CA14: variants seen among roughly 807,000 people sequenced by gnomAD.
CA14 encodes carbonic anhydrase 14.
A neutral mutation model predicts 48.8 loss-of-function variants in CA14; 44 were observed. The ratio of observed to expected loss-of-function variants is 0.90; its 90% confidence interval spans 0.71 to 1.16. The LOEUF is 1.16. Ranked by LOEUF, CA14 falls within the 50% of genes most tolerant of loss-of-function variation. The pLI is 0.00. For synonymous variants in CA14, 154 were observed against 155.0 expected (o/e 0.99, Z 0.05); for missense variants, 386 against 401.0 (o/e 0.96, Z 0.32).
chr1:150,262,129 C>T, intron 3 of CA14, 29 bp from the exon 4 acceptor site: 1 of 1,613,884 alleles, frequency 6.2e-7, no homozygotes. Flanking sequence ...CATGCCTCCA[C>T]CAATCCGAGT....
At chr1:150,260,208 C>T (rs1316217366) in intron 2 of CA14, 37 bp downstream of exon 2, 1 of 1,607,938 alleles carries the variant, frequency 6.2e-7, no homozygotes, top group Non-Finnish European at 8.5e-7. Context: ...AACCCTTTCA[C>T]ACTGGGACCT....
rs1239170385 is a variant in CA14, at chr1:150,257,856, G to A, written c.-273G>A. 3 of 254,108 alleles carry A rather than the reference G, an allele frequency of 1.2e-5. No individual in the cohort carries two copies. Among genetic ancestry groups the A allele is most frequent in the Non-Finnish European group, 2.3e-5 (3 of 131,788 alleles). 15.7% of individuals were successfully genotyped at this position (254,108 alleles called of 1,614,324 possible). ...GTAAAGTCGCTGGCCAGCTAGTGGA[G>A]TGGAGACTGCAGAGGGAGATAAAGA... is the stretch of plus-strand genomic sequence containing the variant. On this transcript the variant is annotated 5_prime_UTR_variant, in exon 1 of 11. In the 5' UTR this introduces an upstream ATG that the reference lacks. Coordinates refer to ENST00000369111, the MANE Select transcript of CA14 (RefSeq NM_012113.3).
rs587611263 is a variant in CA14 at position 150,262,210 on chromosome 1, T to C, written c.309T>C (p.Tyr103=). The C allele has an allele frequency of 8.1e-6, 13 of 1,614,152 alleles. No homozygotes were observed. In the East Asian group the frequency reaches 1.6e-4, roughly 19 times the overall value. The part of the protein sequence containing the change: ...TLYLGGLPRK[Y]VAAQLHLHWG... The stretch of plus-strand genomic sequence containing the variant: ...ATCTGGGTGGACTTCCCCGAAAATA[T>C]GTAGCTGCCCAGCTCCACCTGCACT... Residue 103 remains tyrosine (Y), a synonymous_variant, in exon 4 of 11, where the codon TAT becomes TAC. Transcript: ENST00000369111.
At chr1:150,260,710 G>T in intron 2 of CA14, 1 of 171,650 alleles carries the variant, frequency 5.8e-6, no homozygotes. Context: ...TGAATCCCAA[G>T]GCCACTTGAT....
Position 150,262,260 on chromosome 1 carries a change from G to C in CA14, c.359G>C (p.Gly120Ala), listed in dbSNP as rs782018971. ...LHWGQKGSPG[G>A]SEHQINSEAT... Reference sequence around the variant, plus strand: ...TGGGGTCAGAAAGGATCCCCAGGGGGGTCAGAACACCAGATCAACAGTGAA... The same window carrying C: ...TGGGGTCAGAAAGGATCCCCAGGGGCGTCAGAACACCAGATCAACAGTGAA... Residue 120 changes from glycine (G) to alanine (A), a missense_variant, in exon 4 of 11, where the codon GGG becomes GCG. By Grantham distance (60) the Gly-to-Ala change is moderately conservative (BLOSUM62 0). Transcript: ENST00000369111. The C allele has an allele frequency of 5.0e-6, 8 of 1,610,484 alleles. No homozygotes were observed. The Middle Eastern group carries it at 6.6e-4, about 133-fold the overall frequency.
chr1:150,261,829 G>A (rs1651061204), intron 3 of CA14, among the ~76,000 whole-genome samples, 191 bp downstream of exon 3: 3 of 152,226 alleles, frequency 2.0e-5, no homozygotes. Flanking sequence ...TCAGGAGTCA[G>A]AGGAAAGCAG....
In CA14 at chr1:150,261,636, C is replaced by G; in HGVS notation, c.254C>G (p.Thr85Arg). The change falls in exon 3 of 11, where the codon ACA (threonine) becomes AGA (arginine). Residue 85 changes from threonine to arginine, a missense_variant and splice_region_variant. Thr to Arg is a moderately conservative substitution (Grantham distance 71). Coordinates refer to ENST00000369111, the MANE Select transcript of CA14 (RefSeq NM_012113.3). ...TTGGACCTGCACAACAATGGCCACACAGGTAAAAGCACAGGCTCCAAGGAG... is the reference window on the plus strand; with the variant it reads ...TTGGACCTGCACAACAATGGCCACAGAGGTAAAAGCACAGGCTCCAAGGAG... ...EPLDLHNNGH[T>R]VQLSLPSTLY... The G allele has an allele frequency of 6.2e-7, 1 of 1,613,398 alleles. No individual in the cohort carries two copies. Among genetic ancestry groups the G allele is most frequent in the Non-Finnish European group, 8.5e-7 (1 of 1,179,578 alleles).
intron 2 of CA14, 140 bp from the exon 3 acceptor site, chr1:150,261,319 T>C: frequency 1.4e-6 from 1 of 710,166 alleles, no homozygotes; most frequent in South Asian, 1.8e-5. Context: ...ACTGGGGTCT[T>C]AACCTGGGTG....
Position 150,262,558 on chromosome 1 carries a change from G to A in CA14, c.433G>A (p.Asp145Asn), listed in dbSNP as rs201359119. The change falls in exon 5 of 11, where the codon GAC (aspartate) becomes AAC (asparagine). Residue 145 changes from aspartate (D) to asparagine (N), a missense_variant. Physicochemically the swap from Asp to Asn is conservative, Grantham distance 23. Transcript: ENST00000369111. ...TGTACATTATGACTCTGATTCCTAT[G>A]ACAGCTTGAGTGAGGCTGCTGAGAG... is the stretch of plus-strand genomic sequence containing the variant. ...HIVHYDSDSY[D>N]SLSEAAERPQ... 2.5e-6 allele frequency: 4 copies of A among 1,614,032 alleles called. No homozygotes were observed. In the East Asian group the frequency reaches 6.7e-5, roughly 27 times the overall value.
In CA14 at chr1:150,258,086, A is replaced by C; in HGVS notation, c.-43A>C. The C allele has an allele frequency of 1.3e-6, 2 of 1,520,060 alleles. No homozygotes were observed. The highest frequency in any genetic ancestry group is 2.3e-5 in the East Asian group (1 of 43,074). The allele number at this position is 1,520,060 out of a possible 1,614,324, so 94.2% of individuals were successfully genotyped here. A position where few individuals can be genotyped will look rare whatever the true frequency, so the allele number is the denominator to read the frequency against. On this transcript the variant is annotated 5_prime_UTR_variant, in exon 1 of 11. Coordinates refer to ENST00000369111, the MANE Select transcript of CA14 (RefSeq NM_012113.3). ...CTCTCTCTGCCTGTCCTAGTCCTCT[A>C]GTCCTCAAATTCCCAGTCCCCTGCA...
chr1:150,259,006 A>AG lies in CA14; in HGVS notation c.55+824dup, dbSNP rs1650775992. ...AGTCACAAATCTCATCTGAGGAGAA[A>AG]GAAAAAAAGAGGGAAAGAGGAGGAA... On this transcript the variant is annotated intron_variant, in intron 1 of 10. Coordinates refer to ENST00000369111, the MANE Select transcript of CA14 (RefSeq NM_012113.3). Among the ~76,000 whole-genome samples, 7 of 152,306 alleles carry AG rather than the reference A, an allele frequency of 4.6e-5. No homozygotes were observed. The South Asian group carries it at 1.5e-3, about 32-fold the overall frequency.
At chr1:150,261,345 C>A in intron 2 of CA14, 114 bp from the exon 3 acceptor site, 1 of 907,324 alleles carries the variant, frequency 1.1e-6, no homozygotes, top group Non-Finnish European at 1.7e-6. Flanking sequence ...AAGTCCATTT[C>A]TACCTCCACA....
At chr1:150,259,008 A>G (rs905290470) in intron 1 of CA14, among the ~76,000 whole-genome samples, 8 of 152,182 alleles carry the variant, frequency 5.3e-5, no homozygotes, top group Middle Eastern at 3.2e-3. Context: ...GAGGAGAAAG[A>G]AAAAAAGAGG....
At position 150,264,631 on chromosome 1, in the gene CA14, C is replaced by T. The variant is rs587756585; in HGVS notation, c.986C>T (p.Thr329Ile). The change falls in exon 11 of 11, where the codon ACC becomes ATC. Residue 329 changes from threonine to isoleucine, a missense_variant. Thr to Ile is a moderately conservative substitution (Grantham distance 89). Transcript: ENST00000369111. Reference protein sequence around the residue: ...RLENRKSVVFTSAQATTEA With the variant: ...RLENRKSVVFISAQATTEA ...GAAAACCGAAAGAGTGTGGTCTTCACCTCAGCACAAGCCACGACTGAGGCA... is the reference window on the plus strand; with the variant it reads ...GAAAACCGAAAGAGTGTGGTCTTCATCTCAGCACAAGCCACGACTGAGGCA... 4 of 1,613,304 alleles carry T rather than the reference C, an allele frequency of 2.5e-6. No homozygotes were observed. The highest frequency in any genetic ancestry group is 4.5e-5 in the East Asian group (2 of 44,852).
Position 150,263,172 on chromosome 1 carries a change from T to C in CA14, c.693T>C (p.Tyr231=). The change falls in exon 7 of 11, where the codon TAT becomes TAC. Residue 231 remains tyrosine (Y), a synonymous_variant. Coordinates refer to ENST00000369111, the MANE Select transcript of CA14 (RefSeq NM_012113.3). Reference sequence around the variant, plus strand: ...AGAGTGTGCTCTGGACAGTTTTTTATAGAAGGTCCCAGATTTCAATGGAAC... The same window carrying C: ...AGAGTGTGCTCTGGACAGTTTTTTACAGAAGGTCCCAGATTTCAATGGAAC... ...CYQSVLWTVF[Y]RRSQISMEQL... 1 of 1,614,118 alleles carries C rather than the reference T, an allele frequency of 6.2e-7. No individual in the cohort carries two copies. Among genetic ancestry groups the C allele is most frequent in the Non-Finnish European group, 8.5e-7 (1 of 1,180,012 alleles).
At position 150,257,948 on chromosome 1, in the gene CA14, AC is replaced by A. The variant is rs1244502426; in HGVS notation, c.-179del. ...AGAAACCCATGATACCCTACTGAAC[AC>A]CGAATCCCCTGGAAGCCCACAGAGA... On this transcript the variant is annotated 5_prime_UTR_variant, in exon 1 of 11. Transcript: ENST00000369111. 8 of 437,976 alleles carry A rather than the reference AC, an allele frequency of 1.8e-5. No homozygotes were observed. The East Asian group carries it at 2.9e-4, about 16-fold the overall frequency. The allele number at this position is 437,976 out of a possible 1,614,324, so 27.1% of individuals were successfully genotyped here.
rs781924740 is a variant in CA14, at chr1:150,263,825, G to A, written c.894G>A (p.Leu298=). 1.2e-6 allele frequency: 2 copies of A among 1,613,876 alleles called. No individual in the cohort carries two copies. The highest frequency in any genetic ancestry group is 1.3e-5 in the African/African-American group (1 of 74,846). The part of the protein sequence containing the change: ...GEMLSLGVGI[L]VGCLCLLLAV... ...TGCTGAGTCTAGGTGTAGGAATCTT[G>A]GTTGGCTGTCTCTGCCTTCTCCTGG... is the stretch of plus-strand genomic sequence containing the variant. Residue 298 remains leucine, a synonymous_variant, in exon 10 of 11, where the codon TTG becomes TTA. Transcript: ENST00000369111.
intron 1 of CA14, 52 bp from the exon 2 acceptor site, chr1:150,260,099 G>A: frequency 6.2e-7 from 1 of 1,602,652 alleles, no homozygotes; most frequent in Non-Finnish European, 8.5e-7. Flanking sequence ...GTGGAGGCCA[G>A]GGTTCTGCCC....
At chr1:150,259,333 G>A (rs1436487741) in intron 1 of CA14, among the ~76,000 whole-genome samples, 1 of 152,162 alleles carries the variant, frequency 6.6e-6, no homozygotes, top group Admixed American at 6.5e-5. Flanking sequence ...CAGTTTGGCC[G>A]TAGGGAGGGG....
Sources: gnomAD v4.1 joint callset for allele counts (sites outside exome capture counted in the v4.1 genomes callset) on GRCh38, gnomAD v4.1.1 for gene constraint, MANE v1.5 for transcripts, NCBI Gene and HGNC (gene_info 2026-07-23, HGNC 2026-07-21) for gene names.